Variants in HPS5 observed in about 807,000 individuals in gnomAD.
HPS5 encodes BLOC-2 complex member HPS5.
HPS5 carries 83 observed loss-of-function variants against 128.0 expected under a neutral mutation model. The ratio of observed to expected loss-of-function variants is 0.65; its 90% CI spans 0.54 to 0.78. The LOEUF (loss-of-function observed/expected upper bound fraction) is 0.78, where lower values mean the gene tolerates loss of function less well. Among genes scored for constraint, HPS5 ranks in the 30% least tolerant of loss-of-function variants. The probability of loss-of-function intolerance (pLI) is 0.00; values close to 1 mark genes in which losing one functional copy is unlikely to be tolerated. For synonymous variants in HPS5, 475 were observed against 470.2 expected (o/e 1.01, Z -0.13); for missense variants, 1,281 against 1,326.2 (o/e 0.97, Z 0.53).
intron 16 of HPS5, among the ~76,000 whole-genome samples, chr11:18,288,719 A>G (rs1860032087): frequency 6.8e-6 from 1 of 146,224 alleles, no homozygotes; most frequent in African/African-American, 2.6e-5. Flanking sequence ...GATCACTGCA[A>G]CCTTGAACTC....
chr11:18,300,229 T>C (rs1224803288), intron 9 of HPS5, among the ~76,000 whole-genome samples: 1 of 152,152 alleles, frequency 6.6e-6, no homozygotes, highest in Non-Finnish European at 1.5e-5. Context: ...AAACATATTA[T>C]GGGGTACATA....
intron 20 of HPS5, among the ~76,000 whole-genome samples, chr11:18,284,441 A>C (rs548443119): frequency 6.6e-6 from 1 of 152,162 alleles, no homozygotes; most frequent in African/African-American, 2.4e-5. Flanking sequence ...CAATCCACTC[A>C]TATCTGAATT....
intron 8 of HPS5, among the ~76,000 whole-genome samples, chr11:18,301,570 T>C (rs754418601): frequency 3.3e-5 from 5 of 151,430 alleles, no homozygotes; most frequent in Non-Finnish European, 4.4e-5. Flanking sequence ...ATACTGGACA[T>C]GATACGGGCA....
At chr11:18,320,702 G>A (rs1864215644) in intron 1 of HPS5, among the ~76,000 whole-genome samples, 1 of 152,136 alleles carries the variant, frequency 6.6e-6, no homozygotes, top group Non-Finnish European at 1.5e-5. Flanking sequence ...TTCTACAGAG[G>A]CACTGTAGTT....
chr11:18,292,985 G>A lies in HPS5; in HGVS notation c.1785-9C>T. ...TTACCTCTTTTTCCTCCCTAAAAAA[G>A]TGTGCAAAATAACAATAACATTCAC... On this transcript the variant is annotated splice_polypyrimidine_tract_variant and intron_variant, in intron 14 of 22. Coordinates refer to ENST00000349215, the MANE Select transcript of HPS5 (RefSeq NM_181507.2). The A allele has an allele frequency of 1.9e-6, 3 of 1,611,016 alleles. No homozygotes were observed. The highest frequency in any genetic ancestry group is 2.5e-6 in the Non-Finnish European group (3 of 1,177,440).
intron 1 of HPS5, among the ~76,000 whole-genome samples, chr11:18,320,411 G>A (rs926588323): frequency 1.3e-5 from 2 of 152,126 alleles, no homozygotes; most frequent in African/African-American, 4.8e-5. Context: ...TTTCAGCCAT[G>A]GAAAGAAAGC....
At chr11:18,281,423 T>C (rs1590040083) in intron 22 of HPS5, among the ~76,000 whole-genome samples, 3 of 151,710 alleles carry the variant, frequency 2.0e-5, no homozygotes, top group South Asian at 2.1e-4. Context: ...GTTTTTGAGA[T>C]GGAGTCTCGC....
Position 18,287,572 on chromosome 11 carries a change from A to T in HPS5, c.2680T>A (p.Leu894Ile). The change falls in exon 18 of 23, where the codon TTA becomes ATA. Residue 894 changes from leucine (L) to isoleucine (I), a missense_variant. Transcript: ENST00000349215. ...HHHPAEFLAY[L>I]DSLVKSRPED... ...GGCCTTGATTTCACCAGACTGTCTA[A>T]ATAGGCCAAAAACTCAGCAGGATGA... 6.2e-7 allele frequency: 1 copy of T among 1,614,172 alleles called. No homozygotes were observed. Among genetic ancestry groups the T allele is most frequent in the South Asian group, 1.1e-5 (1 of 91,084 alleles).
intron 8 of HPS5, among the ~76,000 whole-genome samples, chr11:18,304,392 T>C (rs1464344019): frequency 6.6e-6 from 1 of 152,074 alleles, no homozygotes; most frequent in African/African-American, 2.4e-5. Context: ...AATTTTTGTA[T>C]TTTTAGTAGA....
At chr11:18,304,539 T>C (rs1266580458) in intron 8 of HPS5, among the ~76,000 whole-genome samples, 1 of 152,152 alleles carries the variant, frequency 6.6e-6, no homozygotes, top group African/African-American at 2.4e-5. Context: ...AATACTTCAG[T>C]GTAGGAAGTA....
intron 2 of HPS5, 37 bp from the exon 3 acceptor site, chr11:18,312,061 G>A: frequency 1.4e-6 from 2 of 1,445,306 alleles, no homozygotes; most frequent in Non-Finnish European, 1.9e-6. Flanking sequence ...GATAATCACA[G>A]CTACTTAACC....
At chr11:18,287,758 G>T (rs1335290092) in intron 17 of HPS5, 68 bp from the exon 18 acceptor site, 5 of 1,593,070 alleles carry the variant, frequency 3.1e-6, no homozygotes, top group Non-Finnish European at 4.3e-6. Flanking sequence ...TTACATTTAG[G>T]TTACTTATTA....
chr11:18,279,530 ACAGT>A lies in HPS5; in HGVS notation c.*348_*351del. On this transcript the variant is annotated 3_prime_UTR_variant, in exon 23 of 23. Coordinates refer to ENST00000349215, the MANE Select transcript of HPS5 (RefSeq NM_181507.2). Reference sequence around the variant, plus strand: ...AGCTTCTGCTCCCAACATGGAAGCCACAGTAAGAAAAGAATCTGTCTAATCCACT... The same window carrying A: ...AGCTTCTGCTCCCAACATGGAAGCCAAAGAAAAGAATCTGTCTAATCCACT... 3.7e-6 allele frequency: 1 copy of A among 267,480 alleles called. No individual in the cohort carries two copies. Among genetic ancestry groups the A allele is most frequent in the Non-Finnish European group, 7.2e-6 (1 of 138,072 alleles). 16.6% of individuals were successfully genotyped at this position (267,480 alleles called of 1,614,324 possible).
chr11:18,282,281 G>T, intron 21 of HPS5, 61 bp from the exon 22 acceptor site: 1 of 1,585,198 alleles, frequency 6.3e-7, no homozygotes, highest in Non-Finnish European at 8.7e-7. Context: ...GGATACAGGA[G>T]ATGGTCAAAA....
At chr11:18,310,717 A>T (rs1862875559) in intron 5 of HPS5, 24 bp downstream of exon 5, 2 of 1,574,312 alleles carry the variant, frequency 1.3e-6, no homozygotes, top group East Asian at 2.2e-5. Flanking sequence ...CACTACATAC[A>T]CAAAGAATGG....
chr11:18,296,970 G>C lies in HPS5; in HGVS notation c.1338C>G (p.Ile446Met). ...SSISSHESFSILDSGIYRIIS... is the reference protein window; with the variant it reads ...SSISSHESFSMLDSGIYRIIS... ...TGATACGATAAATACCAGAGTCCAA[G>C]ATGCTGAAACTTTCCTAAAAATTAA... Residue 446 changes from isoleucine to methionine, a missense_variant, in exon 12 of 23, where the codon ATC becomes ATG. Coordinates refer to ENST00000349215, the MANE Select transcript of HPS5 (RefSeq NM_181507.2). The C allele has an allele frequency of 6.3e-7, 1 of 1,590,300 alleles. No individual in the cohort carries two copies. The highest frequency in any genetic ancestry group is 1.8e-4 in the Middle Eastern group (1 of 5,684).
At position 18,306,329 on chromosome 11, in the gene HPS5, A is replaced by T; in HGVS notation, c.630T>A (p.Ile210=). 1 of 1,613,984 alleles carries T rather than the reference A, an allele frequency of 6.2e-7. No homozygotes were observed. The highest frequency in any genetic ancestry group is 8.5e-7 in the Non-Finnish European group (1 of 1,179,886). ...ATTCTCCATCTCTTTCCTTGTTTCC[A>T]ATTTTCCAAAACTTTTCTCTAACAT... ...CDTEREKFWK[I]GNKERDGEYG... Residue 210 remains isoleucine (I), a synonymous_variant, in exon 7 of 23, where the codon ATT becomes ATA. Coordinates refer to ENST00000349215, the MANE Select transcript of HPS5 (RefSeq NM_181507.2).
chr11:18,296,818 C>G lies in HPS5; in HGVS notation c.1490G>C (p.Cys497Ser), dbSNP rs750276551. The G allele has an allele frequency of 5.6e-6, 9 of 1,614,134 alleles. No homozygotes were observed. The highest frequency in any genetic ancestry group is 7.6e-6 in the Non-Finnish European group (9 of 1,179,996). The change falls in exon 12 of 23, where the codon TGT (cysteine) becomes TCT (serine). Residue 497 changes from cysteine to serine, a missense_variant. Physicochemically the swap from Cys to Ser is moderately radical, Grantham distance 112 (BLOSUM62 -1). Coordinates refer to ENST00000349215, the MANE Select transcript of HPS5 (RefSeq NM_181507.2). ...QQEEDLPDQC[C>S]GSHGNEDNVS... ...ATCACCTTCATTTCCGTGTGAGCCACAACACTGATCTGGCAGGTCCTCTTC... is the reference window on the plus strand; with the variant it reads ...ATCACCTTCATTTCCGTGTGAGCCAGAACACTGATCTGGCAGGTCCTCTTC...
At chr11:18,304,613 T>C (rs1004045805) in intron 8 of HPS5, among the ~76,000 whole-genome samples, 5 of 152,236 alleles carry the variant, frequency 3.3e-5, no homozygotes, top group Non-Finnish European at 5.9e-5. Flanking sequence ...ACTTCAATTA[T>C]TTTTAAAAAT....
Sources: gnomAD v4.1 joint callset for allele counts (sites outside exome capture counted in the v4.1 genomes callset) on GRCh38, gnomAD v4.1.1 for gene constraint, MANE v1.5 for transcripts, NCBI Gene and HGNC (gene_info 2026-07-23, HGNC 2026-07-21) for gene names.